Variants in YEATS4 observed in about 807,000 individuals in gnomAD.
The protein encoded by YEATS4 is YEATS domain-containing protein 4.
YEATS4 carries 17 observed loss-of-function variants against 30.1 expected under a neutral mutation model. The observed-to-expected ratio is 0.56, with a 90% CI of 0.39 to 0.85. YEATS4 has a LOEUF of 0.85. Among genes scored for constraint, YEATS4 ranks in the 40% least tolerant of loss-of-function variants. YEATS4 has a pLI of 0.00. For missense variants in YEATS4, 142 were observed against 268.3 expected (o/e 0.53, Z 3.29); for synonymous variants, 85 against 87.5 (o/e 0.97, Z 0.16).
the YEATS4 span, among the ~76,000 whole-genome samples, chr12:69,423,627 C>T: frequency 2.6e-5 from 4 of 152,016 alleles, no homozygotes; most frequent in Non-Finnish European, 5.9e-5. Flanking sequence ...AGAGCTGACA[C>T]GAAGAAGCAT....
At chr12:69,372,197 G>A (rs187069157) in intron 6 of YEATS4, among the ~76,000 whole-genome samples, 16 of 152,258 alleles carry the variant, frequency 1.1e-4, no homozygotes, top group African/African-American at 3.9e-4. Flanking sequence ...TCTTTAAAAT[G>A]TTTAATTTTG....
intron 6 of YEATS4, among the ~76,000 whole-genome samples, chr12:69,373,583 C>T (rs925437520): frequency 4.6e-5 from 7 of 151,762 alleles, no homozygotes; most frequent in Non-Finnish European, 1.5e-5. Context: ...TGTGTTGTCT[C>T]TTCACTTTGT....
At chr12:69,412,406 C>G in the YEATS4 span, among the ~76,000 whole-genome samples, 1 of 152,218 alleles carries the variant, frequency 6.6e-6, no homozygotes, top group East Asian at 1.9e-4. Context: ...AATCCCAGCA[C>G]TTTGGGAGGC....
At chr12:69,406,321 G>A in the YEATS4 span, among the ~76,000 whole-genome samples, 1 of 152,046 alleles carries the variant, frequency 6.6e-6, no homozygotes. Flanking sequence ...CATCAATTTT[G>A]TTTAAGTATT....
Position 69,359,968 on chromosome 12 carries a change from A to ACAATAT in YEATS4, c.-4_2dup, listed in dbSNP as rs773194977. 2 of 1,612,520 alleles carry ACAATAT rather than the reference A, an allele frequency of 1.2e-6. No homozygotes were observed. Among genetic ancestry groups the ACAATAT allele is most frequent in the African/African-American group, 2.7e-5 (2 of 74,768 alleles). On this transcript the variant is annotated 5_prime_UTR_variant, in exon 1 of 7. Transcript: ENST00000247843. ...TGGCGGCGGCGGCTTCTTCCGTGGG[A>ACAATAT]CAATATGTTCAAGAGAATGGCCGAA...
At chr12:69,371,196 C>T (rs918735130) in intron 6 of YEATS4, among the ~76,000 whole-genome samples, 12 of 152,268 alleles carry the variant, frequency 7.9e-5, no homozygotes, top group African/African-American at 2.6e-4. Context: ...CTCTTACATT[C>T]GCTGAAGTAC....
chr12:69,401,247 A>G, the YEATS4 span: 1 of 152,158 alleles, frequency 6.6e-6, no homozygotes, highest in Admixed American at 6.5e-5. Flanking sequence ...AAGTAACTTC[A>G]CTGATAGGAA....
intron 6 of YEATS4, among the ~76,000 whole-genome samples, chr12:69,384,548 A>G (rs1435073167): frequency 6.6e-6 from 1 of 152,182 alleles, no homozygotes; most frequent in Non-Finnish European, 1.5e-5. Context: ...TGGGAAGAAA[A>G]CTTAATTTTG....
At chr12:69,402,725 C>CTTTTTTTTTTTTTTTTTTTT in the YEATS4 span, among the ~76,000 whole-genome samples, 1 of 113,114 alleles carries the variant, frequency 8.8e-6, no homozygotes, top group Non-Finnish European at 1.8e-5. Context: ...TCTTTCTTTT[C>CTTTTTTTTTTTTTTTTTTTT]TTTTTTTTTT....
intron 6 of YEATS4, among the ~76,000 whole-genome samples, chr12:69,389,367 T>C (rs1868288523): frequency 6.6e-6 from 1 of 150,998 alleles, no homozygotes; most frequent in African/African-American, 2.4e-5. Context: ...GGAGAATTGC[T>C]TGAACCTGGG....
In YEATS4 at chr12:69,389,187, T is replaced by C. The variant is rs7955362; in HGVS notation, c.515-960T>C. Among the ~76,000 whole-genome samples, 245 of 152,246 alleles carry C rather than the reference T, an allele frequency of 1.6e-3. 3 individuals are homozygous for C. The highest frequency in any genetic ancestry group is 5.5e-3 in the African/African-American group (230 of 41,570). On this transcript the variant is annotated intron_variant, in intron 6 of 6. Transcript: ENST00000247843. ...CACCTGGGCCGGGCCTGGTGGCTTA[T>C]GCCTGTAATCCCCGCACTTTGGGAG... is the stretch of plus-strand genomic sequence containing the variant.
intron 6 of YEATS4, among the ~76,000 whole-genome samples, chr12:69,374,984 C>A (rs1268326749): frequency 1.5e-5 from 2 of 131,388 alleles, no homozygotes; most frequent in Admixed American, 1.5e-4. Context: ...ACCTCCCAGA[C>A]AGGGCGGCGG....
At chr12:69,362,551 G>T (rs1441231780) in intron 1 of YEATS4, among the ~76,000 whole-genome samples, 1 of 152,100 alleles carries the variant, frequency 6.6e-6, no homozygotes, top group African/African-American at 2.4e-5. Context: ...CTCTAAAAGC[G>T]CTTTACATGG....
chr12:69,405,500 A>G, the YEATS4 span, among the ~76,000 whole-genome samples: 2 of 152,180 alleles, frequency 1.3e-5, no homozygotes, highest in Non-Finnish European at 2.9e-5. Flanking sequence ...TAAAAGAAGC[A>G]CTTACGGCTT....
chr12:69,404,715 A>G, the YEATS4 span, among the ~76,000 whole-genome samples: 1 of 152,188 alleles, frequency 6.6e-6, no homozygotes, highest in Non-Finnish European at 1.5e-5. Context: ...GAACTAAGAC[A>G]CCCATGTTGT....
chr12:69,406,816 C>G, the YEATS4 span, among the ~76,000 whole-genome samples: 1 of 151,298 alleles, frequency 6.6e-6, no homozygotes, highest in East Asian at 2.0e-4. Flanking sequence ...TTTCTTTTTT[C>G]TTTTCTTTCT....
At chr12:69,375,634 ACT>A (rs1273262386) in intron 6 of YEATS4, among the ~76,000 whole-genome samples, 1 of 152,010 alleles carries the variant, frequency 6.6e-6, no homozygotes, top group Non-Finnish European at 1.5e-5. Flanking sequence ...AGTGAGCGAG[ACT>A]CCGTCTGCAA....
At chr12:69,370,612 A>G (rs1364628073) in intron 4 of YEATS4, 94 bp from the exon 5 acceptor site, 31 of 1,025,478 alleles carry the variant, frequency 3.0e-5, no homozygotes, top group Non-Finnish European at 4.3e-5. Flanking sequence ...ACATGTATAT[A>G]CTTATTCCAG....
Position 69,367,221 on chromosome 12 carries a change from T to C in YEATS4, c.333+1337T>C, listed in dbSNP as rs559637608. Among the ~76,000 whole-genome samples the C allele has an allele frequency of 4.6e-5, 7 of 152,314 alleles. No homozygotes were observed. In the East Asian group the frequency reaches 1.3e-3, roughly 29 times the overall value. On this transcript the variant is annotated intron_variant, in intron 4 of 6. Coordinates refer to ENST00000247843, the MANE Select transcript of YEATS4 (RefSeq NM_006530.4). ...TCCCTGAACTTTTTACTGATTACTA[T>C]TCCTACCTTAGTTTTCTTTTCTCAT...
Sources: allele counts gnomAD v4.1 joint callset (sites outside exome capture counted in the v4.1 genomes callset), GRCh38; gene constraint gnomAD v4.1.1; transcripts MANE v1.5; gene names NCBI Gene and HGNC (gene_info 2026-07-23, HGNC 2026-07-21).